Variants in ANKRD53 observed in about 807,000 individuals in gnomAD.
The protein encoded by ANKRD53 is ankyrin repeat domain-containing protein 53.
In ANKRD53, 27 loss-of-function variants were observed where a neutral mutation model predicts 30.1. The ratio of observed to expected loss-of-function variants is 0.90; its 90% CI spans 0.66 to 1.24. ANKRD53 has a LOEUF of 1.24. ANKRD53 is among the 50% of genes most tolerant of loss of function. ANKRD53 has a pLI of 0.00. For missense variants in ANKRD53, 682 were observed against 721.0 expected (o/e 0.95, Z 0.62); for synonymous variants, 286 against 295.4 (o/e 0.97, Z 0.33).
rs1669946129 is a variant in ANKRD53, at chr2:70,979,704, C to G, written c.461C>G (p.Ala154Gly). The G allele has an allele frequency of 1.9e-6, 3 of 1,614,080 alleles. No homozygotes were observed. The African/African-American group carries it at 4.0e-5, about 22-fold the overall frequency. ...IHFAAQWGKL[A>G]CLQVLVEEYK... ...TTCGCCGCCCAATGGGGCAAGCTTG[C>G]ATGCCTGCAGGTCCTGGTAGAGGAG... The change falls in exon 3 of 6, where the codon GCA becomes GGA. Residue 154 changes from alanine (A) to glycine (G), a missense_variant. Coordinates refer to ENST00000360589, the MANE Select transcript of ANKRD53 (RefSeq NM_001115116.2).
Position 70,982,836 on chromosome 2 carries a change from C to T in ANKRD53, c.903+139C>T. On this transcript the variant is annotated intron_variant, in intron 5 of 5. Coordinates refer to ENST00000360589, the MANE Select transcript of ANKRD53 (RefSeq NM_001115116.2). This position sits in a 1 kb window ranked among gnomAD's most constrained non-coding sequence, Gnocchi z 4.2. ...AGCCACCCTTTCGCCTGTACTCCCA[C>T]CGGGTACTCTGACTGAAATTCCGCT... 2.6e-6 allele frequency: 3 copies of T among 1,143,530 alleles called. No homozygotes were observed. Among genetic ancestry groups the T allele is most frequent in the Non-Finnish European group, 2.4e-6 (2 of 839,172 alleles). 70.8% of individuals were successfully genotyped at this position (1,143,530 alleles called of 1,614,324 possible).
chr2:70,981,829 C>T (rs1421070251), intron 3 of ANKRD53, 107 bp from the exon 4 acceptor site: 27 of 1,257,514 alleles, frequency 2.1e-5, no homozygotes, highest in Non-Finnish European at 2.9e-5. Context: ...ACCCAGTGGA[C>T]TGATGGTAGA....
intron 5 of ANKRD53, chr2:70,984,328 A>C: frequency 6.2e-7 from 1 of 1,609,266 alleles, no homozygotes; most frequent in Non-Finnish European, 8.5e-7. Flanking sequence ...CAGAGGCTAC[A>C]TCTCTCCCAT....
In ANKRD53 at chr2:70,982,957, C is replaced by A. The variant is rs1195207183; in HGVS notation, c.903+260C>A. Among the ~76,000 whole-genome samples, 2 of 152,202 alleles carry A rather than the reference C, an allele frequency of 1.3e-5. No homozygotes were observed. Among genetic ancestry groups the A allele is most frequent in the African/African-American group, 4.8e-5 (2 of 41,452 alleles). On this transcript the variant is annotated intron_variant, in intron 5 of 5. Coordinates refer to ENST00000360589, the MANE Select transcript of ANKRD53 (RefSeq NM_001115116.2). The surrounding 1 kb of genome is among the most constrained non-coding windows in gnomAD (Gnocchi z 4.2). ...ATTCGCAAGTATTTCTGGGCCCCTC[C>A]TAGTGTACTGCCTCTTTCAGGATGA...
At chr2:70,980,638 C>CA (rs1553423456) in intron 3 of ANKRD53, among the ~76,000 whole-genome samples, 2 of 151,252 alleles carry the variant, frequency 1.3e-5, no homozygotes, top group African/African-American at 4.9e-5. Flanking sequence ...GAGACTGTCT[C>CA]AAAAAATAAA....
rs35096506 is a variant in ANKRD53, at chr2:70,979,240, C to G, written c.314C>G (p.Ala105Gly). ...ESDQTAIDQT[A>G]IGSYYQLFAA... ...GACCAGACGGCAATCGACCAGACGGCGATCGGGAGCTACTACCAGCTGTTC... is the reference window on the plus strand; with the variant it reads ...GACCAGACGGCAATCGACCAGACGGGGATCGGGAGCTACTACCAGCTGTTC... The change falls in exon 2 of 6, where the codon GCG becomes GGG. Residue 105 changes from alanine (A) to glycine (G), a missense_variant. Coordinates refer to ENST00000360589, the MANE Select transcript of ANKRD53 (RefSeq NM_001115116.2). 6.1e-3 allele frequency: 9,923 copies of G among 1,613,510 alleles called. 219 individuals are homozygous for G. The highest frequency in any genetic ancestry group is 0.051 in the African/African-American group (3,790 of 75,044).
chr2:70,982,327 C>A lies in ANKRD53; in HGVS notation c.782+227C>A. On this transcript the variant is annotated intron_variant, in intron 4 of 5. Coordinates refer to ENST00000360589, the MANE Select transcript of ANKRD53 (RefSeq NM_001115116.2). This position sits in a 1 kb window ranked among gnomAD's most constrained non-coding sequence, Gnocchi z 4.2. Reference sequence around the variant, plus strand: ...TGCTCTCTGGGTTGATCACTGCCCTCCTTTCCTGCCCTGGGGCCCCTGGCT... The same window carrying A: ...TGCTCTCTGGGTTGATCACTGCCCTACTTTCCTGCCCTGGGGCCCCTGGCT... 1.4e-6 allele frequency: 1 copy of A among 728,582 alleles called. No individual in the cohort carries two copies. Among genetic ancestry groups the A allele is most frequent in the Non-Finnish European group, 2.2e-6 (1 of 461,320 alleles). The allele number at this position is 728,582 out of a possible 1,614,324, so 45.1% of individuals were successfully genotyped here. A position where few individuals can be genotyped will look rare whatever the true frequency, so the allele number is the denominator to read the frequency against.
chr2:70,984,335 C>T, intron 5 of ANKRD53: 1 of 1,606,724 alleles, frequency 6.2e-7, no homozygotes, highest in Non-Finnish European at 8.5e-7. Context: ...TACATCTCTC[C>T]CATCAGATTG....
intron 5 of ANKRD53, among the ~76,000 whole-genome samples, chr2:70,983,279 G>C (rs782782297): frequency 2.0e-5 from 3 of 152,010 alleles, no homozygotes; most frequent in Non-Finnish European, 2.9e-5. Context: ...GGAGGGAAGG[G>C]CTAACCAGGC....
At position 70,979,354 on chromosome 2, in the gene ANKRD53, G is replaced by C; in HGVS notation, c.417+11G>C. The C allele has an allele frequency of 6.2e-7, 1 of 1,613,296 alleles. No homozygotes were observed. Among genetic ancestry groups the C allele is most frequent in the South Asian group, 1.1e-5 (1 of 91,068 alleles). On this transcript the variant is annotated intron_variant, in intron 2 of 5. Transcript: ENST00000360589. ...CCCACCGACGACAAGGTAAGGTCTT[G>C]AGTGTTGGGGCAAAGACCGAGGTCC... is the stretch of plus-strand genomic sequence containing the variant.
In ANKRD53 at chr2:70,979,203, A is replaced by G. The variant is rs782630038; in HGVS notation, c.277A>G (p.Ser93Gly). ...CCCGCCCCGCGCTGACCCCAGCCCCAGCAAGGAGTCCGACCAGACGGCAAT... is the reference window on the plus strand; with the variant it reads ...CCCGCCCCGCGCTGACCCCAGCCCCGGCAAGGAGTCCGACCAGACGGCAAT... ...LTPPRADPSP[S>G]KESDQTAIDQ... The change falls in exon 2 of 6, where the codon AGC (serine) becomes GGC (glycine). Residue 93 changes from serine to glycine, a missense_variant. Ser to Gly is a moderately conservative substitution (Grantham distance 56, BLOSUM62 0). Transcript: ENST00000360589. 2 of 1,613,098 alleles carry G rather than the reference A, an allele frequency of 1.2e-6. No homozygotes were observed. The highest frequency in any genetic ancestry group is 2.2e-5 in the South Asian group (2 of 91,080).
chr2:70,981,622 A>G (rs1670011340), intron 3 of ANKRD53, among the ~76,000 whole-genome samples: 1 of 152,214 alleles, frequency 6.6e-6, no homozygotes, highest in African/African-American at 2.4e-5. Context: ...CTGGTGAGGC[A>G]TAGGGAAAGG....
chr2:70,985,353 G>A lies in ANKRD53; in HGVS notation c.*53G>A, dbSNP rs1670159302. The A allele has an allele frequency of 2.7e-6, 4 of 1,479,298 alleles. No individual in the cohort carries two copies. The highest frequency in any genetic ancestry group is 2.1e-5 in the Admixed American group (1 of 47,984). 91.6% of individuals were successfully genotyped at this position (1,479,298 alleles called of 1,614,324 possible). ...GGCAGCCCAGTGAAGGCTGAAGTGT[G>A]GCAATTCACGTTGTGGGTGGCGAGG... is the stretch of plus-strand genomic sequence containing the variant. On this transcript the variant is annotated 3_prime_UTR_variant, in exon 6 of 6. Transcript: ENST00000360589.
At chr2:70,984,411 AGTT>A in intron 5 of ANKRD53, 197 bp from the exon 6 acceptor site, 3 of 985,358 alleles carry the variant, frequency 3.0e-6, no homozygotes, top group Non-Finnish European at 3.6e-6. Flanking sequence ...TTATGGAAAA[AGTT>A]GTCTCCCCCA....
Position 70,984,692 on chromosome 2 carries a change from A to G in ANKRD53, c.985A>G (p.Asn329Asp). ...KLHPGHSLVSNTKQARATALS... is the reference protein window; with the variant it reads ...KLHPGHSLVSDTKQARATALS... ...GCACCCAGGCCACTCTCTGGTCTCC[A>G]ATACCAAGCAAGCCCGGGCCACCGC... Residue 329 changes from asparagine (N) to aspartate (D), a missense_variant, in exon 6 of 6, where the codon AAT (asparagine) becomes GAT (aspartate). Physicochemically the swap from Asn to Asp is conservative, Grantham distance 23. Transcript: ENST00000360589. The G allele has an allele frequency of 1.9e-6, 3 of 1,613,922 alleles. No individual in the cohort carries two copies. Among genetic ancestry groups the G allele is most frequent in the Non-Finnish European group, 2.5e-6 (3 of 1,179,862 alleles).
chr2:70,981,025 G>A (rs964858360), intron 3 of ANKRD53, among the ~76,000 whole-genome samples: 21 of 152,218 alleles, frequency 1.4e-4, no homozygotes, highest in African/African-American at 5.1e-4. Context: ...TGTGACCTGG[G>A]CTTGGGAAGT....
intron 5 of ANKRD53, among the ~76,000 whole-genome samples, chr2:70,983,952 A>G (rs547217223): frequency 6.6e-6 from 1 of 152,100 alleles, no homozygotes; most frequent in Non-Finnish European, 1.5e-5. Flanking sequence ...AGGTTCTATG[A>G]CAATATATGG....
chr2:70,984,833 A>G lies in ANKRD53; in HGVS notation c.1126A>G (p.Arg376Gly), dbSNP rs1670124453. The G allele has an allele frequency of 6.4e-7, 1 of 1,552,388 alleles. No homozygotes were observed. The highest frequency in any genetic ancestry group is 8.7e-7 in the Non-Finnish European group (1 of 1,147,264). Reference sequence around the variant, plus strand: ...CACGGAGATGCCCAAGCCCATCTACAGGAAGCCCACGGTCAAGCGGCCCAC... The same window carrying G: ...CACGGAGATGCCCAAGCCCATCTACGGGAAGCCCACGGTCAAGCGGCCCAC... ...QPTEMPKPIY[R>G]KPTVKRPTMW... Residue 376 changes from arginine (R) to glycine (G), a missense_variant, in exon 6 of 6, where the codon AGG becomes GGG. Physicochemically the swap from Arg to Gly is moderately radical, Grantham distance 125. Transcript: ENST00000360589.
In ANKRD53 at chr2:70,982,750, C is replaced by A; in HGVS notation, c.903+53C>A. 6.3e-7 allele frequency: 1 copy of A among 1,596,110 alleles called. No homozygotes were observed. Among genetic ancestry groups the A allele is most frequent in the Non-Finnish European group, 8.5e-7 (1 of 1,169,772 alleles). On this transcript the variant is annotated intron_variant, in intron 5 of 5. Coordinates refer to ENST00000360589, the MANE Select transcript of ANKRD53 (RefSeq NM_001115116.2). This position sits in a 1 kb window ranked among gnomAD's most constrained non-coding sequence, Gnocchi z 4.2. ...GACAGCTGCTATCCAGGCATGTGAG[C>A]AGAGGGGGCAGTGACCCACATATTG...
Sources: gnomAD v4.1 joint callset for allele counts (sites outside exome capture counted in the v4.1 genomes callset) on GRCh38, gnomAD v4.1.1 for gene constraint, Gnocchi (gnomAD v3.1) non-coding constraint, MANE v1.5 for transcripts, NCBI Gene and HGNC (gene_info 2026-07-23, HGNC 2026-07-21) for gene names.